ERCC6L: variants seen among roughly 807,000 people sequenced by gnomAD.
ERCC6L encodes ERCC excision repair 6 like, spindle assembly checkpoint helicase.
In ERCC6L, 7 loss-of-function variants were observed where a neutral mutation model predicts 20.1. The observed-to-expected ratio is 0.35, with a 90% CI of 0.20 to 0.65. The LOEUF (loss-of-function observed/expected upper bound fraction) is 0.65, where lower values mean the gene tolerates loss of function less well. ERCC6L is among the 30% of genes least tolerant of loss of function. The probability of loss-of-function intolerance (pLI) is 0.69; values close to 1 mark genes in which losing one functional copy is unlikely to be tolerated. For missense variants in ERCC6L, 592 were observed against 892.4 expected (o/e 0.66, Z 4.29); for synonymous variants, 278 against 331.3 (o/e 0.84, Z 1.75).
Position 72,205,019 on chromosome X carries a change from T to G in ERCC6L, c.3748A>C (p.Asn1250His). 1 of 1,181,793 alleles carries G rather than the reference T, an allele frequency of 8.5e-7. No homozygotes were observed. The highest frequency in any genetic ancestry group is 1.1e-6 in the Non-Finnish European group (1 of 879,333). Residue 1250 changes from asparagine to histidine, a missense_variant, in exon 2 of 2, where the codon AAT becomes CAT. Physicochemically the swap from Asn to His is moderately conservative, Grantham distance 68 (BLOSUM62 1). Around this residue, in one of 3 missense-constraint regions of ERCC6L, gnomAD observed 352 missense variants for 402.6 expected, o/e 0.87. Coordinates refer to ENST00000334463, the MANE Select transcript of ERCC6L (RefSeq NM_017669.4). ...TLSLYKQLNNN is the reference protein window; with the variant it reads ...TLSLYKQLNNH ...ACAATAAACAGGTTACATTCTCAAT[T>G]GTTATTAAGTTGCTTATACAAACTT...
At chrX:72,225,715 C>T (rs2042949980) in intron 1 of ERCC6L, among the ~76,000 whole-genome samples, 1 of 111,631 alleles carries the variant, frequency 9.0e-6, no homozygotes, top group Non-Finnish European at 1.9e-5. Flanking sequence ...ACTCCCACTC[C>T]AGCCCTTTAT....
chrX:72,223,594 G>T (rs1351081407), intron 1 of ERCC6L, among the ~76,000 whole-genome samples: 1 of 110,201 alleles, frequency 9.1e-6, no homozygotes, highest in Non-Finnish European at 1.9e-5. Context: ...TCGCCATGTT[G>T]GTCAGGCTGG....
chrX:72,207,286 C>T lies in ERCC6L; in HGVS notation c.1481G>A (p.Arg494His). 1 of 1,210,517 alleles carries T rather than the reference C, an allele frequency of 8.3e-7. No homozygotes were observed. The highest frequency in any genetic ancestry group is 1.1e-6 in the Non-Finnish European group (1 of 894,637). Reference sequence around the variant, plus strand: ...CTTAAAGTGCCTATTCTTTAAGAGGCGTTCAATGATGTTTAGAATTTGCCT... The same window carrying T: ...CTTAAAGTGCCTATTCTTTAAGAGGTGTTCAATGATGTTTAGAATTTGCCT... ...QSRQILNIIE[R>H]LLKNRHFKTL... Residue 494 changes from arginine (R) to histidine (H), a missense_variant, in exon 2 of 2, where the codon CGC becomes CAC. Arg to His is a conservative substitution (Grantham distance 29). This residue lies in a region of ERCC6L where 196 missense variants were observed against 440.1 expected (regional missense o/e 0.45). Coordinates refer to ENST00000334463, the MANE Select transcript of ERCC6L (RefSeq NM_017669.4).
chrX:72,232,878 G>T (rs1396925275), intron 1 of ERCC6L, among the ~76,000 whole-genome samples: 1 of 110,250 alleles, frequency 9.1e-6, no homozygotes, highest in African/African-American at 3.3e-5. Flanking sequence ...TGAGGCAGGT[G>T]GATCGCTTGA....
intron 1 of ERCC6L, among the ~76,000 whole-genome samples, chrX:72,236,865 T>C (rs1433987785): frequency 8.9e-6 from 1 of 112,335 alleles, no homozygotes; most frequent in Non-Finnish European, 1.9e-5. Flanking sequence ...GGACTTACTG[T>C]ATACACACGC....
chrX:72,236,088 T>C (rs1017775128), intron 1 of ERCC6L, among the ~76,000 whole-genome samples: 8 of 111,256 alleles, frequency 7.2e-5, no homozygotes, highest in Non-Finnish European at 1.3e-4. Flanking sequence ...GGAATTGGTA[T>C]TCTAGAGGGA....
chrX:72,228,952 C>A (rs2042968197), intron 1 of ERCC6L, among the ~76,000 whole-genome samples: 1 of 111,193 alleles, frequency 9.0e-6, no homozygotes, highest in Non-Finnish European at 1.9e-5. Context: ...GACCTTTTAG[C>A]AGGGAGCATA....
At chrX:72,208,814 A>C (rs1283407684) in intron 1 of ERCC6L, 116 bp from the exon 2 acceptor site, 8 of 587,618 alleles carry the variant, frequency 1.4e-5, no homozygotes, top group Non-Finnish European at 2.1e-5. Context: ...TCCTCAATTC[A>C]GGATGGGAAA....
chrX:72,208,173 A>G lies in ERCC6L; in HGVS notation c.594T>C (p.Ile198=). Residue 198 remains isoleucine, a synonymous_variant, in exon 2 of 2, where the codon ATT becomes ATC. Coordinates refer to ENST00000334463, the MANE Select transcript of ERCC6L (RefSeq NM_017669.4). ...TGATTAACATTTGGTATGTAGTGAT[A>G]ATAACACCATTCCTTTGCTGAATCC... ...LNRIQQRNGV[I]ITTYQMLINN... 8.3e-7 allele frequency: 1 copy of G among 1,211,813 alleles called. No individual in the cohort carries two copies. The highest frequency in any genetic ancestry group is 1.1e-6 in the Non-Finnish European group (1 of 895,544).
At chrX:72,223,197 G>A (rs1323891226) in intron 1 of ERCC6L, among the ~76,000 whole-genome samples, 9 of 101,183 alleles carry the variant, frequency 8.9e-5, no homozygotes, top group African/African-American at 2.5e-4. Context: ...AAAATTAGCC[G>A]GGCATGGTGG....
intron 1 of ERCC6L, among the ~76,000 whole-genome samples, chrX:72,213,241 T>G (rs2042866716): frequency 1.8e-5 from 2 of 111,454 alleles, no homozygotes; most frequent in Non-Finnish European, 3.8e-5. Flanking sequence ...ACACCTACCT[T>G]TAAATACAGG....
rs202048178 is a variant in ERCC6L at position 72,207,368 on chromosome X, C to T, written c.1399G>A (p.Asp467Asn). ...EESGKMIFLM[D>N]LLKRLRDEGH... ...TCATCTCGCAGCCTCTTAAGTAGGT[C>T]CATTAGGAATATCATTTTTCCAGAT... is the stretch of plus-strand genomic sequence containing the variant. Residue 467 changes from aspartate to asparagine, a missense_variant, in exon 2 of 2, where the codon GAC becomes AAC. Physicochemically the swap from Asp to Asn is conservative, Grantham distance 23. Around this residue, in one of 3 missense-constraint regions of ERCC6L, gnomAD observed 196 missense variants for 440.1 expected, o/e 0.45. Coordinates refer to ENST00000334463, the MANE Select transcript of ERCC6L (RefSeq NM_017669.4). 5.1e-5 allele frequency: 62 copies of T among 1,209,616 alleles called. No homozygotes were observed. The highest frequency in any genetic ancestry group is 6.6e-5 in the Non-Finnish European group (59 of 895,166).
chrX:72,225,880 C>A (rs1449527846), intron 1 of ERCC6L, among the ~76,000 whole-genome samples: 1 of 111,846 alleles, frequency 8.9e-6, no homozygotes, highest in Non-Finnish European at 1.9e-5. Flanking sequence ...CAACTGGTAA[C>A]ATATTTTTCA....
intron 1 of ERCC6L, among the ~76,000 whole-genome samples, chrX:72,222,086 GT>G (rs1039138893): frequency 9.2e-6 from 1 of 109,051 alleles, no homozygotes; most frequent in African/African-American, 3.4e-5. Context: ...TTCTCCACCT[GT>G]TACCCGTTCA....
At chrX:72,223,180 CAAA>C (rs1163330497) in intron 1 of ERCC6L, among the ~76,000 whole-genome samples, 1 of 94,612 alleles carries the variant, frequency 1.1e-5, no homozygotes, top group Non-Finnish European at 2.1e-5. Context: ...ACTAAAAATA[CAAA>C]AAAAAAATTA....
Position 72,205,830 on chromosome X carries a change from A to G in ERCC6L, c.2937T>C (p.Asn979=), listed in dbSNP as rs770226815. 53 of 1,209,919 alleles carry G rather than the reference A, an allele frequency of 4.4e-5. No homozygotes were observed. Among genetic ancestry groups the G allele is most frequent in the Non-Finnish European group, 5.2e-5 (47 of 895,239 alleles). Residue 979 remains asparagine, a synonymous_variant, in exon 2 of 2, where the codon AAT becomes AAC. Transcript: ENST00000334463. ...SQSLEHVEKE[N]SLCGSAPNSR... ...AATTAGGTGCAGAGCCACACAAGCT[A>G]TTTTCTTTCTCAACATGCTCTAAAG...
intron 1 of ERCC6L, among the ~76,000 whole-genome samples, chrX:72,215,108 T>G (rs1345569250): frequency 8.9e-6 from 1 of 112,166 alleles, no homozygotes; most frequent in Middle Eastern, 4.3e-3. Context: ...CTCAAAAACA[T>G]GCTGAGGAAA....
chrX:72,206,888 G>T lies in ERCC6L; in HGVS notation c.1879C>A (p.Leu627Ile). 1.7e-6 allele frequency: 2 copies of T among 1,211,434 alleles called. No homozygotes were observed. Among genetic ancestry groups the T allele is most frequent in the East Asian group, 3.0e-5 (1 of 33,839 alleles). ...TTCTGAAGATCCTCGATTGTAAAGAGCTCTCTTAATTCTTGTTTACTAAAA... is the reference window on the plus strand; with the variant it reads ...TTCTGAAGATCCTCGATTGTAAAGATCTCTCTTAATTCTTGTTTACTAAAA... The part of the protein sequence containing the change: ...RYFSKQELRE[L>I]FTIEDLQNSV... Residue 627 changes from leucine to isoleucine, a missense_variant, in exon 2 of 2, where the codon CTC becomes ATC. By Grantham distance (5) the Leu-to-Ile change is conservative. Transcript: ENST00000334463.
chrX:72,223,754 C>G (rs1256711105), intron 1 of ERCC6L, among the ~76,000 whole-genome samples: 1 of 111,334 alleles, frequency 9.0e-6, no homozygotes, highest in Non-Finnish European at 1.9e-5. Flanking sequence ...CCTCTGCTGT[C>G]CAAAGGTCAG....
Sources: gnomAD v4.1 joint callset for allele counts (sites outside exome capture counted in the v4.1 genomes callset) on GRCh38, gnomAD v4.1.1 for gene constraint, gnomAD v4.1.1 regional missense constraint, MANE v1.5 for transcripts, NCBI Gene and HGNC (gene_info 2026-07-23, HGNC 2026-07-21) for gene names.